Variants in SYT12 observed in about 807,000 individuals in gnomAD.
SYT12 encodes synaptotagmin-12.
In SYT12, 27 loss-of-function variants were observed where a neutral mutation model predicts 39.5. The ratio of observed to expected loss-of-function variants is 0.68; its 90% CI spans 0.50 to 0.94. The LOEUF is 0.94. Ranked by LOEUF, SYT12 falls within the 40% of genes least tolerant of loss-of-function variation. The pLI is 0.00. For synonymous variants in SYT12, 233 were observed against 239.7 expected (o/e 0.97, Z 0.26); for missense variants, 536 against 572.6 (o/e 0.94, Z 0.65).
At chr11:67,041,696 C>T (rs995075569) in intron 4 of SYT12, among the ~76,000 whole-genome samples, 2 of 152,136 alleles carry the variant, frequency 1.3e-5, no homozygotes, top group African/African-American at 4.8e-5. Context: ...TTGGTGGAAG[C>T]TCTGCCCTTT....
At chr11:67,015,104 C>T (rs1261108917) in intron 3 of SYT12, among the ~76,000 whole-genome samples, 1 of 152,196 alleles carries the variant, frequency 6.6e-6, no homozygotes, top group Non-Finnish European at 1.5e-5. Context: ...TCTCTGGCCC[C>T]TTACTTTCCC....
chr11:67,016,931 C>T (rs745430628), intron 3 of SYT12, among the ~76,000 whole-genome samples: 17 of 152,088 alleles, frequency 1.1e-4, no homozygotes, highest in Non-Finnish European at 2.5e-4. Flanking sequence ...TACATGAGGT[C>T]GTAAATAAGA....
intron 1 of SYT12, among the ~76,000 whole-genome samples, chr11:67,009,332 GA>G (rs1233240069): frequency 1.3e-5 from 2 of 151,054 alleles, no homozygotes; most frequent in African/African-American, 4.9e-5. Flanking sequence ...TCTTTTTTTT[GA>G]AAAAGGCTTG....
At chr11:67,008,517 T>C (rs1949988567) in intron 1 of SYT12, among the ~76,000 whole-genome samples, 1 of 151,734 alleles carries the variant, frequency 6.6e-6, no homozygotes. Context: ...GCCTCCAGAG[T>C]ATCTAGGACT....
chr11:67,021,293 G>C (rs1950106988), upstream of SYT12, among the ~76,000 whole-genome samples: 1 of 151,754 alleles, frequency 6.6e-6, no homozygotes, highest in African/African-American at 2.4e-5. Flanking sequence ...TCCCCAGTGT[G>C]ACACCAGAAC....
intron 1 of SYT12, chr11:67,027,092 A>T (rs1950191156): frequency 6.6e-6 from 1 of 152,250 alleles, no homozygotes; most frequent in Non-Finnish European, 1.5e-5. Context: ...GGTGCAGCTG[A>T]CTACAAACCC....
At chr11:67,019,811 C>T (rs141480113), upstream of SYT12, among the ~76,000 whole-genome samples, 140 of 151,578 alleles carry the variant, frequency 9.2e-4, no homozygotes, top group African/African-American at 3.1e-3. Context: ...GTGGGAGGAT[C>T]ACCTGAGCCT....
intron 3 of SYT12, among the ~76,000 whole-genome samples, chr11:67,036,763 C>G (rs1189116952): frequency 1.5e-5 from 2 of 132,338 alleles, no homozygotes; most frequent in Non-Finnish European, 3.4e-5. Context: ...TGGTGAAACC[C>G]TGTCTCTACT....
intron 1 of SYT12, among the ~76,000 whole-genome samples, chr11:67,009,230 T>G (rs1949994313): frequency 6.6e-6 from 1 of 152,132 alleles, no homozygotes; most frequent in Non-Finnish European, 1.5e-5. Context: ...GGTCCTGAAC[T>G]CCTGCGCTTA....
At chr11:67,035,901 T>C (rs1950371607) in intron 3 of SYT12, among the ~76,000 whole-genome samples, 1 of 106,130 alleles carries the variant, frequency 9.4e-6, no homozygotes, top group South Asian at 3.3e-4. Flanking sequence ...CCTCCCTCCC[T>C]CCTTCCTTCC....
At chr11:67,046,011 T>C (rs781615125) in intron 7 of SYT12, 134 bp downstream of exon 7, 87 of 1,213,922 alleles carry the variant, frequency 7.2e-5, no homozygotes, top group Non-Finnish European at 9.3e-5. Flanking sequence ...CTAGCAGTTA[T>C]TGAGTGCCAC....
chr11:67,040,269 T>TGGCGGTGG, intron 4 of SYT12, 66 bp downstream of exon 4: 2 of 1,519,918 alleles, frequency 1.3e-6, no homozygotes, highest in Non-Finnish European at 1.8e-6. Context: ...CAGGCAGGCA[T>TGGCGGTGG]GGCGGTGGGG....
intron 5 of SYT12, 108 bp from the exon 6 acceptor site, chr11:67,044,485 T>G: frequency 6.8e-7 from 1 of 1,480,236 alleles, no homozygotes; most frequent in Non-Finnish European, 9.0e-7. Context: ...GTGCAGCCAC[T>G]TCTCTATGGA....
rs78654575 is a variant in SYT12 at position 67,034,745 on chromosome 11, G to A, written c.135G>A (p.Ser45=). 1.4e-3 allele frequency: 2,202 copies of A among 1,603,458 alleles called. 2 individuals are homozygous for A. The highest frequency in any genetic ancestry group is 1.8e-3 in the Non-Finnish European group (2,080 of 1,176,198). Reference sequence around the variant, plus strand: ...TGAGCCTGTGGAAGCTCTGGACGTCGGGGAGCTTCCCCAGCCCCTCTCCGT... The same window carrying A: ...TGAGCCTGTGGAAGCTCTGGACGTCAGGGAGCTTCCCCAGCCCCTCTCCGT... ...AAVSLWKLWT[S]GSFPSPSPFP... The change falls in exon 3 of 8, where the codon TCG becomes TCA. Residue 45 remains serine, a synonymous_variant. Transcript: ENST00000527043.
chr11:67,046,899 C>G (rs1308423460), intron 7 of SYT12, among the ~76,000 whole-genome samples: 1 of 151,566 alleles, frequency 6.6e-6, no homozygotes, highest in East Asian at 1.9e-4. Context: ...CATGTTCTGA[C>G]TGTGCGCAGG....
At position 67,034,675 on chromosome 11, in the gene SYT12, G is replaced by T. The variant is rs772564001; in HGVS notation, c.65G>T (p.Gly22Val). 1.9e-6 allele frequency: 3 copies of T among 1,597,916 alleles called. No individual in the cohort carries two copies. Among genetic ancestry groups the T allele is most frequent in the East Asian group, 2.3e-5 (1 of 43,388 alleles). ...AAGAGCCCCCCTGGCTGGGAGGTGG[G>T]TGTCTATGCTGCAGGGGCCCTGGCC... The part of the protein sequence containing the change: ...VIKSPPGWEV[G>V]VYAAGALALL... Residue 22 changes from glycine (G) to valine (V), a missense_variant, in exon 3 of 8, where the codon GGT (glycine) becomes GTT (valine). Transcript: ENST00000527043.
intron 1 of SYT12, chr11:67,027,238 C>A (rs1014460758): frequency 3.3e-5 from 5 of 152,386 alleles, no homozygotes; most frequent in Admixed American, 2.6e-4. Flanking sequence ...CGGTGGCTCA[C>A]GCCTGTAATC....
intron 5 of SYT12, among the ~76,000 whole-genome samples, chr11:67,044,364 C>T (rs1161042076): frequency 6.6e-6 from 1 of 152,148 alleles, no homozygotes; most frequent in East Asian, 1.9e-4. Flanking sequence ...CAGGACCCTC[C>T]CGGTGGAAGG....
chr11:67,035,615 G>A (rs1361828505), intron 3 of SYT12, among the ~76,000 whole-genome samples: 6 of 150,738 alleles, frequency 4.0e-5, no homozygotes, highest in Admixed American at 1.3e-4. Flanking sequence ...CCGCCACCAT[G>A]CCCAGCTAAT....
Sources: gnomAD v4.1 joint callset for allele counts (sites outside exome capture counted in the v4.1 genomes callset) on GRCh38, gnomAD v4.1.1 for gene constraint, MANE v1.5 for transcripts, NCBI Gene and HGNC (gene_info 2026-07-23, HGNC 2026-07-21) for gene names.